Variants in TMEM150C observed in about 807,000 individuals in gnomAD.
The protein encoded by TMEM150C is tentonin 3.
TMEM150C carries 10 observed loss-of-function variants against 29.9 expected under a neutral mutation model. The ratio of observed to expected loss-of-function variants is 0.33; its 90% CI spans 0.21 to 0.57. The LOEUF (loss-of-function observed/expected upper bound fraction) is 0.57, where lower values mean the gene tolerates loss of function less well. TMEM150C is among the 20% of genes least tolerant of loss of function. The pLI is 0.88. For missense variants in TMEM150C, 251 were observed against 303.6 expected (o/e 0.83, Z 1.29); for synonymous variants, 101 against 112.5 (o/e 0.90, Z 0.64).
chr4:82,495,926 G>A, intron 6 of TMEM150C, 142 bp downstream of exon 6: 1 of 1,070,106 alleles, frequency 9.3e-7, no homozygotes, highest in East Asian at 2.5e-5. Context: ...GAGTTGCCAT[G>A]GAAAAGAGTC....
intron 1 of TMEM150C, among the ~76,000 whole-genome samples, chr4:82,524,966 C>G (rs561592268): frequency 6.6e-6 from 1 of 152,072 alleles, no homozygotes; most frequent in Non-Finnish European, 1.5e-5. Context: ...GGATTTTTAC[C>G]GATGAGGAGG....
intron 1 of TMEM150C, among the ~76,000 whole-genome samples, chr4:82,559,487 G>A (rs567470432): frequency 6.1e-4 from 93 of 152,200 alleles, no homozygotes; most frequent in African/African-American, 2.1e-3. Context: ...CCCAAGAGGC[G>A]GAGGTTGCAG....
chr4:82,503,794 G>C (rs575788690), intron 2 of TMEM150C, among the ~76,000 whole-genome samples: 4 of 151,980 alleles, frequency 2.6e-5, no homozygotes, highest in East Asian at 1.9e-4. Context: ...AGCTTGCAGT[G>C]AGCCAAGATC....
intron 6 of TMEM150C, among the ~76,000 whole-genome samples, chr4:82,492,509 C>T (rs1026900799): frequency 6.6e-6 from 1 of 151,932 alleles, no homozygotes; most frequent in Non-Finnish European, 1.5e-5. Flanking sequence ...GCTTTTGCCA[C>T]ATATAGAGAC....
rs33997784 is a variant in TMEM150C, at chr4:82,503,117, CA to C, written c.81-6del. ...TCTTCCACAGCTATGAAGTATCTAT[CA>C]AAAAAGAATAAGTTTATAGAACAAA... On this transcript the variant is annotated splice_region_variant and splice_polypyrimidine_tract_variant and intron_variant, in intron 2 of 7. Coordinates refer to ENST00000449862, the MANE Select transcript of TMEM150C (RefSeq NM_001080506.3). The C allele has an allele frequency of 1.3e-6, 2 of 1,585,596 alleles. No individual in the cohort carries two copies. Among genetic ancestry groups the C allele is most frequent in the Non-Finnish European group, 1.7e-6 (2 of 1,160,868 alleles).
chr4:82,490,357 AT>A (rs1723297207), intron 6 of TMEM150C, 119 bp from the exon 7 acceptor site: 1 of 878,048 alleles, frequency 1.1e-6, no homozygotes, highest in Admixed American at 2.2e-5. Context: ...TAATGGGATG[AT>A]AGATTGCAGA....
chr4:82,531,224 G>C (rs1724834394), intron 1 of TMEM150C, among the ~76,000 whole-genome samples: 1 of 152,198 alleles, frequency 6.6e-6, no homozygotes, highest in Non-Finnish European at 1.5e-5. Context: ...AAACCCGTCT[G>C]GATGAGCTGC....
intron 5 of TMEM150C, among the ~76,000 whole-genome samples, chr4:82,498,698 C>A (rs190675511): frequency 6.7e-4 from 102 of 152,262 alleles, no homozygotes; most frequent in African/African-American, 2.3e-3. Flanking sequence ...AAACCCAGTT[C>A]CTGAAATGGC....
At chr4:82,527,836 C>G (rs75480697) in intron 1 of TMEM150C, among the ~76,000 whole-genome samples, 2 of 152,046 alleles carry the variant, frequency 1.3e-5, no homozygotes, top group African/African-American at 4.8e-5. Flanking sequence ...TAGATATAAA[C>G]GGGTTGAAAG....
chr4:82,523,808 G>A lies in TMEM150C; in HGVS notation c.-10-19141C>T, dbSNP rs2110079684. ...TTCTCCTGCCTGAGTCTCCTGAGTA[G>A]TTGGGATTATAGGCGCCTGCCGCCA... On this transcript the variant is annotated intron_variant, in intron 1 of 7. Transcript: ENST00000449862. 3.3e-5 allele frequency among the ~76,000 whole-genome samples: 5 copies of A among 151,808 alleles called. No homozygotes were observed. The South Asian group carries it at 1.0e-3, about 32-fold the overall frequency.
chr4:82,557,850 C>T (rs1315385607), intron 1 of TMEM150C, among the ~76,000 whole-genome samples: 1 of 150,840 alleles, frequency 6.6e-6, no homozygotes. Context: ...ATTCTCCTGT[C>T]TCACCCTCCC....
chr4:82,513,479 T>C (rs571345927), intron 1 of TMEM150C, among the ~76,000 whole-genome samples: 2 of 151,982 alleles, frequency 1.3e-5, no homozygotes, highest in East Asian at 3.9e-4. Context: ...AATGTCATGA[T>C]ATTTTACCAC....
intron 1 of TMEM150C, among the ~76,000 whole-genome samples, chr4:82,524,967 G>A (rs530284354): frequency 3.3e-5 from 5 of 152,330 alleles, no homozygotes; most frequent in Admixed American, 1.3e-4. Context: ...GATTTTTACC[G>A]ATGAGGAGGA....
At chr4:82,497,426 T>C (rs2110066461) in intron 5 of TMEM150C, among the ~76,000 whole-genome samples, 1 of 152,316 alleles carries the variant, frequency 6.6e-6, no homozygotes, top group Non-Finnish European at 1.5e-5. Flanking sequence ...TTAGTAGACA[T>C]TAATAAAGAA....
At chr4:82,548,838 C>A (rs1025086834) in intron 1 of TMEM150C, among the ~76,000 whole-genome samples, 2 of 152,140 alleles carry the variant, frequency 1.3e-5, no homozygotes, top group Non-Finnish European at 2.9e-5. Flanking sequence ...GATGTCAGGG[C>A]ATGGACAGGG....
upstream of TMEM150C, chr4:82,562,248 A>C (rs1386490555): frequency 8.6e-6 from 11 of 1,281,996 alleles, no homozygotes; most frequent in Admixed American, 2.3e-5. Context: ...CTCATCCAAC[A>C]AAAGGAAGGA....
At chr4:82,525,647 TATGGTTACGAA>T (rs958310678) in intron 1 of TMEM150C, among the ~76,000 whole-genome samples, 1 of 152,216 alleles carries the variant, frequency 6.6e-6, no homozygotes, top group Non-Finnish European at 1.5e-5. Context: ...CAGCTTTGAA[TATGGTTACGAA>T]ATGACACCCA....
chr4:82,532,593 T>C (rs114549887), intron 1 of TMEM150C, among the ~76,000 whole-genome samples: 2,478 of 152,222 alleles, frequency 0.016, 85 homozygotes, highest in African/African-American at 0.057. Flanking sequence ...TATGTACTGA[T>C]GGGGGTATGT....
intron 1 of TMEM150C, among the ~76,000 whole-genome samples, chr4:82,539,357 AATT>A (rs554372820): frequency 1.9e-3 from 291 of 152,338 alleles, no homozygotes; most frequent in African/African-American, 6.6e-3. Context: ...AATAACATAG[AATT>A]ATTATCTGCA....
Sources: allele counts gnomAD v4.1 joint callset (sites outside exome capture counted in the v4.1 genomes callset), GRCh38; gene constraint gnomAD v4.1.1; transcripts MANE v1.5; gene names NCBI Gene and HGNC (gene_info 2026-07-23, HGNC 2026-07-21).